RNF220: variants seen among roughly 807,000 people sequenced by gnomAD.
RNF220 encodes the protein E3 ubiquitin-protein ligase RNF220.
RNF220 carries 7 observed loss-of-function variants against 67.1 expected under a neutral mutation model. That is an observed-to-expected ratio of 0.10 (90% CI 0.06 to 0.20). RNF220 has a LOEUF of 0.20. Ranked by LOEUF, RNF220 falls within the 10% of genes least tolerant of loss-of-function variation. RNF220 has a pLI of 1.00. For missense variants in RNF220, 565 were observed against 740.3 expected, an observed-to-expected ratio of 0.76 and a Z score of 2.75; for synonymous variants, 270 against 283.2, an observed-to-expected ratio of 0.95 and a Z score of 0.47.
At chr1:44,478,065 G>C (rs1169038890) in intron 2 of RNF220, among the ~76,000 whole-genome samples, 2 of 152,110 alleles carry the variant, frequency 1.3e-5, no homozygotes, top group African/African-American at 4.8e-5. Flanking sequence ...TGCAGCCTCT[G>C]CCTCCTGGGT....
chr1:44,501,682 C>T (rs542644530), intron 2 of RNF220, among the ~76,000 whole-genome samples: 1 of 152,214 alleles, frequency 6.6e-6, no homozygotes, highest in East Asian at 1.9e-4. Context: ...CTCTCCCCTC[C>T]GTTTCTACTC....
intron 2 of RNF220, among the ~76,000 whole-genome samples, chr1:44,554,181 C>T (rs943237528): frequency 2.0e-5 from 3 of 152,090 alleles, no homozygotes; most frequent in African/African-American, 4.8e-5. Flanking sequence ...TGGCCCCTGC[C>T]CCCAGGAATG....
chr1:44,485,428 A>G (rs564110018), intron 2 of RNF220, among the ~76,000 whole-genome samples: 75 of 152,310 alleles, frequency 4.9e-4, no homozygotes, highest in African/African-American at 1.7e-3. Flanking sequence ...ACTCCTGCTC[A>G]GGGTTCTGGT....
chr1:44,414,715 G>A lies in RNF220; in HGVS notation c.625+1993G>A, dbSNP rs117957392. Among the ~76,000 whole-genome samples the A allele has an allele frequency of 9.9e-5, 15 of 152,234 alleles. No homozygotes were observed. The East Asian group carries it at 2.9e-3, about 29-fold the overall frequency. On this transcript the variant is annotated intron_variant, in intron 2 of 14. Transcript: ENST00000361799. ...ATGGAATTCTGACCTTGAAATTAAT[G>A]AGATTCTGATCAGAAGGGTGGGGAA...
intron 2 of RNF220, among the ~76,000 whole-genome samples, chr1:44,577,280 C>G (rs1353117420): frequency 6.6e-6 from 1 of 152,136 alleles, no homozygotes; most frequent in Non-Finnish European, 1.5e-5. Context: ...TATTTTCAGC[C>G]CCAAACTGCA....
chr1:44,457,472 A>C (rs1653307886), intron 2 of RNF220, among the ~76,000 whole-genome samples: 1 of 152,294 alleles, frequency 6.6e-6, no homozygotes, highest in Admixed American at 6.5e-5. Flanking sequence ...TGAATGAAGT[A>C]ACTGGCAGAT....
intron 1 of RNF220, among the ~76,000 whole-genome samples, chr1:44,410,136 T>G (rs889804473): frequency 4.0e-5 from 6 of 150,574 alleles, no homozygotes; most frequent in Non-Finnish European, 8.9e-5. Context: ...AAATAGCAAG[T>G]GAATCCTGGG....
chr1:44,461,920 C>CTTTTTTTTTT (rs1445179984), intron 2 of RNF220, among the ~76,000 whole-genome samples: 19 of 118,184 alleles, frequency 1.6e-4, no homozygotes, highest in African/African-American at 6.5e-4. Context: ...TTTCTTTTTT[C>CTTTTTTTTTT]TTTGTTTTTT....
At chr1:44,483,862 C>T (rs967949668) in intron 2 of RNF220, among the ~76,000 whole-genome samples, 2 of 152,180 alleles carry the variant, frequency 1.3e-5, no homozygotes, top group Non-Finnish European at 2.9e-5. Context: ...CCTTCCAAAA[C>T]GTATCAGAAT....
chr1:44,569,771 C>T (rs1332721512), intron 2 of RNF220, among the ~76,000 whole-genome samples: 1 of 152,158 alleles, frequency 6.6e-6, no homozygotes, highest in Non-Finnish European at 1.5e-5. Flanking sequence ...AGAAGGAAGG[C>T]CATGGGGAGC....
chr1:44,531,174 C>T (rs1660802389), intron 2 of RNF220, among the ~76,000 whole-genome samples: 1 of 152,148 alleles, frequency 6.6e-6, no homozygotes, highest in South Asian at 2.1e-4. Flanking sequence ...TTGTAGATTC[C>T]TCCCTTGCTT....
chr1:44,625,653 C>T (rs1276813247), intron 4 of RNF220, among the ~76,000 whole-genome samples: 1 of 152,078 alleles, frequency 6.6e-6, no homozygotes, highest in Non-Finnish European at 1.5e-5. Context: ...GGCTCTCAGG[C>T]AGAATGTGCC....
intron 2 of RNF220, among the ~76,000 whole-genome samples, chr1:44,476,744 A>C (rs2148009151): frequency 6.6e-6 from 1 of 152,310 alleles, no homozygotes; most frequent in South Asian, 2.1e-4. Context: ...CTTGGGCTTC[A>C]GGTTTCTGTC....
intron 2 of RNF220, among the ~76,000 whole-genome samples, chr1:44,562,100 G>C (rs1663615630): frequency 6.6e-6 from 1 of 152,186 alleles, no homozygotes; most frequent in African/African-American, 2.4e-5. Context: ...GTGCAGAAGA[G>C]GGGTTATCTA....
At chr1:44,598,798 G>C (rs908371289) in intron 2 of RNF220, among the ~76,000 whole-genome samples, 3 of 152,168 alleles carry the variant, frequency 2.0e-5, no homozygotes, top group African/African-American at 7.2e-5. Flanking sequence ...AGCAGTTCTG[G>C]AGCTTCTGTA....
intron 2 of RNF220, among the ~76,000 whole-genome samples, chr1:44,520,032 C>T (rs1248509696): frequency 6.7e-6 from 1 of 148,276 alleles, no homozygotes; most frequent in Non-Finnish European, 1.5e-5. Flanking sequence ...GTCAAGAAGG[C>T]ATTCTTCAAA....
At chr1:44,476,648 A>T (rs1490834045) in intron 2 of RNF220, among the ~76,000 whole-genome samples, 1 of 152,194 alleles carries the variant, frequency 6.6e-6, no homozygotes, top group Non-Finnish European at 1.5e-5. Flanking sequence ...AGCAAATACT[A>T]CAGGGAGGAA....
rs1648076384 is a variant in RNF220, at chr1:44,412,591, T to C, written c.494T>C (p.Phe165Ser). 2 of 1,614,032 alleles carry C rather than the reference T, an allele frequency of 1.2e-6. No homozygotes were observed. Among genetic ancestry groups the C allele is most frequent in the South Asian group, 2.2e-5 (2 of 91,072 alleles). ...GATGCAGATGGCAAGGAATATGACT[T>C]TGGGACACAGCTGCCATCTAGCTCC... Reference protein sequence around the residue: ...FSDADGKEYDFGTQLPSSSPG... With the variant: ...FSDADGKEYDSGTQLPSSSPG... The change falls in exon 2 of 15, where the codon TTT becomes TCT. Residue 165 changes from phenylalanine to serine, a missense_variant. Transcript: ENST00000361799. The surrounding 1 kb of genome is among the most constrained non-coding windows in gnomAD (Gnocchi z 5.3).
At chr1:44,639,765 CT>C (rs1157213713) in intron 8 of RNF220, among the ~76,000 whole-genome samples, 1 of 152,084 alleles carries the variant, frequency 6.6e-6, no homozygotes, top group Admixed American at 6.6e-5. Context: ...CTTTTCTCTT[CT>C]TTTCTTTTCT....
Sources: gnomAD v4.1 joint callset for allele counts (sites outside exome capture counted in the v4.1 genomes callset) on GRCh38, gnomAD v4.1.1 for gene constraint, Gnocchi (gnomAD v3.1) non-coding constraint, MANE v1.5 for transcripts, NCBI Gene and HGNC (gene_info 2026-07-23, HGNC 2026-07-21) for gene names.